Variants in SDK1 observed in about 807,000 individuals in gnomAD.
The protein encoded by SDK1 is sidekick cell adhesion molecule 1, also known as protein sidekick-1.
In SDK1, 157 loss-of-function variants were observed where a neutral mutation model predicts 245.5. The ratio of observed to expected loss-of-function variants is 0.64; its 90% CI spans 0.56 to 0.73. The LOEUF (loss-of-function observed/expected upper bound fraction) is 0.73, where lower values mean the gene tolerates loss of function less well. SDK1 is among the 30% of genes least tolerant of loss of function. SDK1 has a pLI of 0.00. For missense variants in SDK1, 3,583 were observed against 3,002.3 expected (o/e 1.19, Z -4.52); for synonymous variants, 1,647 against 1,278.5 (o/e 1.29, Z -6.15).
At chr7:3,352,544 A>T (rs983119680) in intron 1 of SDK1, among the ~76,000 whole-genome samples, 3 of 152,072 alleles carry the variant, frequency 2.0e-5, no homozygotes, top group Admixed American at 6.6e-5. Flanking sequence ...CTGTGCCTGT[A>T]GTTACGTGTT....
Position 3,456,637 on chromosome 7 carries a change from G to A in SDK1, c.298+154753G>A, listed in dbSNP as rs190644139. Among the ~76,000 whole-genome samples, 253 of 152,194 alleles carry A rather than the reference G, an allele frequency of 1.7e-3. 2 individuals are homozygous for A. The highest frequency in any genetic ancestry group is 2.9e-3 in the Admixed American group (45 of 15,290). On this transcript the variant is annotated intron_variant, in intron 1 of 44. Coordinates refer to ENST00000404826, the MANE Select transcript of SDK1 (RefSeq NM_152744.4). ...AGAGAATACATAGTTGCTTGTTGAT[G>A]TATTTTTGTGATGGCTGCTTTAAAA...
intron 1 of SDK1, among the ~76,000 whole-genome samples, chr7:3,468,905 G>T (rs1781094975): frequency 6.6e-6 from 1 of 152,168 alleles, no homozygotes; most frequent in Non-Finnish European, 1.5e-5. Flanking sequence ...CATACCTTCA[G>T]AGGGTGAAGG....
At chr7:4,261,879 C>A (rs1446437779) in intron 44 of SDK1, among the ~76,000 whole-genome samples, 2 of 151,910 alleles carry the variant, frequency 1.3e-5, no homozygotes, top group Non-Finnish European at 2.9e-5. Context: ...CCCCTAGGAG[C>A]CTGGGAAGCT....
In SDK1 at chr7:3,672,796, A is replaced by ATATATATAAAT. The variant is rs1554307151; in HGVS notation, c.713+30691_713+30692insTATATATAAAT. On this transcript the variant is annotated intron_variant, in intron 4 of 44. Coordinates refer to ENST00000404826, the MANE Select transcript of SDK1 (RefSeq NM_152744.4). ...ATATATATATATATATATATATATA[A>ATATATATAAAT]AAAATACAGAAAGCTCTAAGTATGC... Among the ~76,000 whole-genome samples, 4 of 53,416 alleles carry ATATATATAAAT rather than the reference A, an allele frequency of 7.5e-5. No homozygotes were observed. In the East Asian group the frequency reaches 1.9e-3, roughly 25 times the overall value. The allele number at this position is 53,416 out of a possible 152,430, so 35.0% of individuals were successfully genotyped here.
intron 6 of SDK1, 103 bp downstream of exon 6, chr7:3,951,137 G>A (rs1232264402): frequency 1.5e-5 from 13 of 873,820 alleles, no homozygotes; most frequent in Non-Finnish European, 1.7e-5. Context: ...GCCTTCTAGC[G>A]ACAGTGGTCT....
intron 44 of SDK1, among the ~76,000 whole-genome samples, chr7:4,253,875 A>T (rs924341145): frequency 2.0e-5 from 3 of 152,106 alleles, no homozygotes; most frequent in Admixed American, 2.0e-4. Flanking sequence ...TCTAATAAAG[A>T]TATGTCTCGT....
At chr7:3,988,132 GTTTTTTTTT>G (rs71032919) in intron 14 of SDK1, among the ~76,000 whole-genome samples, 6 of 85,422 alleles carry the variant, frequency 7.0e-5, no homozygotes, top group Non-Finnish European at 1.3e-4. Context: ...TCTTTTTAAT[GTTTTTTTTT>G]TTTTTTTTTT....
intron 4 of SDK1, among the ~76,000 whole-genome samples, chr7:3,776,263 G>T (rs973753559): frequency 3.9e-5 from 6 of 152,210 alleles, no homozygotes; most frequent in African/African-American, 1.4e-4. Flanking sequence ...GGTGTGCAAA[G>T]GACAATCATA....
At chr7:3,639,180 C>G in intron 3 of SDK1, 70 bp downstream of exon 3, 1 of 802,472 alleles carries the variant, frequency 1.2e-6, no homozygotes, top group African/African-American at 1.7e-5. Context: ...ATCAGAATCA[C>G]TTTTCACCAT....
intron 4 of SDK1, among the ~76,000 whole-genome samples, chr7:3,657,931 A>G (rs1354515564): frequency 2.0e-5 from 3 of 152,096 alleles, no homozygotes; most frequent in Admixed American, 6.5e-5. Context: ...TTTGAATGAT[A>G]CCTTTGTCAT....
At chr7:3,807,417 C>G (rs1481036307) in intron 4 of SDK1, among the ~76,000 whole-genome samples, 2 of 152,164 alleles carry the variant, frequency 1.3e-5, no homozygotes, top group African/African-American at 4.8e-5. Flanking sequence ...GATGGTAATG[C>G]CAGGGGCTGC....
rs899491114 is a variant in SDK1, at chr7:4,212,551, G to A, written c.5539+2389G>A. ...ATTTAGTGTGGCCACTTCGAGGGGC[G>A]GCCAGGATCTGTTGTGACCTTCCGA... On this transcript the variant is annotated intron_variant, in intron 38 of 44. Coordinates refer to ENST00000404826, the MANE Select transcript of SDK1 (RefSeq NM_152744.4). Among the ~76,000 whole-genome samples, 12 of 152,178 alleles carry A rather than the reference G, an allele frequency of 7.9e-5. No homozygotes were observed. In the South Asian group the frequency reaches 8.3e-4, roughly 10 times the overall value.
At chr7:4,007,758 C>A (rs2128147495) in intron 14 of SDK1, among the ~76,000 whole-genome samples, 1 of 151,372 alleles carries the variant, frequency 6.6e-6, no homozygotes, top group East Asian at 2.0e-4. Flanking sequence ...CACCTGCCAC[C>A]ACGCCCGGCT....
At chr7:4,246,396 G>A (rs957968654) in intron 44 of SDK1, among the ~76,000 whole-genome samples, 5 of 152,120 alleles carry the variant, frequency 3.3e-5, no homozygotes, top group Admixed American at 3.3e-4. Flanking sequence ...GTGGACTCCT[G>A]CCTCGGAGGC....
chr7:4,128,644 A>AGGAGAGC (rs1784549827), intron 26 of SDK1, among the ~76,000 whole-genome samples: 1 of 140,690 alleles, frequency 7.1e-6, no homozygotes, highest in Non-Finnish European at 1.5e-5. Context: ...GGTGCCCTGG[A>AGGAGAGC]ATAGAGCAGC....
In SDK1 at chr7:3,408,728, T is replaced by A. The variant is rs111780563; in HGVS notation, c.298+106844T>A. On this transcript the variant is annotated intron_variant, in intron 1 of 44. Coordinates refer to ENST00000404826, the MANE Select transcript of SDK1 (RefSeq NM_152744.4). ...TGTTGGACAGTACTACAAATTGCTC[T>A]ATTTATGAACTGTATGTTTTTCTTC... Among the ~76,000 whole-genome samples, 1,392 of 152,340 alleles carry A rather than the reference T, an allele frequency of 9.1e-3. 28 individuals carry two copies. The highest frequency in any genetic ancestry group is 0.032 in the African/African-American group (1,313 of 41,578).
chr7:3,961,861 AC>A (rs1385400888), intron 8 of SDK1, among the ~76,000 whole-genome samples: 1 of 150,706 alleles, frequency 6.6e-6, no homozygotes, highest in Non-Finnish European at 1.5e-5. Context: ...ACCACCTCAC[AC>A]AGACACACAT....
intron 22 of SDK1, among the ~76,000 whole-genome samples, chr7:4,088,240 A>G (rs1445166877): frequency 6.6e-6 from 1 of 152,192 alleles, no homozygotes; most frequent in African/African-American, 2.4e-5. Context: ...AATTTTCTAT[A>G]AAGAATTCAT....
intron 1 of SDK1, among the ~76,000 whole-genome samples, chr7:3,317,694 G>A (rs960827161): frequency 6.6e-6 from 1 of 152,182 alleles, no homozygotes; most frequent in South Asian, 2.1e-4. Context: ...GTGCATGGAA[G>A]CACCTTTGGT....
Sources: allele counts gnomAD v4.1 joint callset (sites outside exome capture counted in the v4.1 genomes callset), GRCh38; gene constraint gnomAD v4.1.1; transcripts MANE v1.5; gene names NCBI Gene and HGNC (gene_info 2026-07-23, HGNC 2026-07-21).